The following PRKG1 variants were observed in gnomAD, a reference collection of about 807,000 sequenced individuals.
PRKG1 encodes protein kinase cGMP-dependent 1.
A neutral mutation model predicts 88.1 loss-of-function variants in PRKG1; 35 were observed. The observed-to-expected ratio is 0.40, with a 90% CI of 0.30 to 0.53. The LOEUF is 0.53. PRKG1 is among the 20% of genes least tolerant of loss of function. PRKG1 has a pLI of 0.59. For missense variants in PRKG1, 540 were observed against 839.8 expected (o/e 0.64, Z 4.41); for synonymous variants, 303 against 292.5 (o/e 1.04, Z -0.37).
Position 51,311,370 on chromosome 10 carries a change from T to C in PRKG1, c.479-156353T>C, listed in dbSNP as rs546563750. Among the ~76,000 whole-genome samples, 3 of 152,340 alleles carry C rather than the reference T, an allele frequency of 2.0e-5. No individual in the cohort carries two copies. The East Asian group carries it at 5.8e-4, about 29-fold the overall frequency. On this transcript the variant is annotated intron_variant, in intron 2 of 17. Coordinates refer to ENST00000373980, the MANE Select transcript of PRKG1 (RefSeq NM_006258.4). ...TCATGAGTTCTTAAAAAATATTTGC[T>C]GAATAAGGTCACTTCCTCAGTATGC... is the stretch of plus-strand genomic sequence containing the variant.
chr10:51,638,628 G>T (rs1839717378), intron 3 of PRKG1, among the ~76,000 whole-genome samples: 1 of 152,032 alleles, frequency 6.6e-6, no homozygotes, highest in Non-Finnish European at 1.5e-5. Flanking sequence ...AGATAACCAA[G>T]AAATTCTTTG....
At chr10:51,164,038 G>C (rs1401834537) in intron 2 of PRKG1, among the ~76,000 whole-genome samples, 3 of 152,216 alleles carry the variant, frequency 2.0e-5, no homozygotes, top group African/African-American at 7.2e-5. Context: ...GCTTTGAAGA[G>C]AGCAGTGGTT....
chr10:51,444,670 G>A (rs1226307149), intron 2 of PRKG1, among the ~76,000 whole-genome samples: 2 of 151,914 alleles, frequency 1.3e-5, no homozygotes, highest in African/African-American at 2.4e-5. Context: ...GATTGTAATA[G>A]TAATTTCATT....
At position 51,564,516 on chromosome 10, in the gene PRKG1, C is replaced by T. The variant is rs566013869; in HGVS notation, c.592+96680C>T. On this transcript the variant is annotated intron_variant, in intron 3 of 17. Transcript: ENST00000373980. Reference sequence around the variant, plus strand: ...ACAGGAGCATCCAGGTGGGAGGAAGCGTGTGTAAAGGCCCTGAGAATGGCA... The same window carrying T: ...ACAGGAGCATCCAGGTGGGAGGAAGTGTGTGTAAAGGCCCTGAGAATGGCA... Among the ~76,000 whole-genome samples, 28 of 151,938 alleles carry T rather than the reference C, an allele frequency of 1.8e-4. No homozygotes were observed. In the South Asian group the frequency reaches 4.0e-3, roughly 21 times the overall value.
chr10:51,698,186 G>A (rs978770104), intron 3 of PRKG1: 5 of 1,613,966 alleles, frequency 3.1e-6, no homozygotes, highest in African/African-American at 2.7e-5. Flanking sequence ...CAATCCTCTT[G>A]CATCCATGCC....
chr10:51,491,567 G>A (rs899378830), intron 3 of PRKG1, among the ~76,000 whole-genome samples: 2 of 152,046 alleles, frequency 1.3e-5, no homozygotes, highest in African/African-American at 4.8e-5. Flanking sequence ...ATGGTTCAGA[G>A]CATGACTATA....
At chr10:51,523,106 T>C (rs1051057976) in intron 3 of PRKG1, among the ~76,000 whole-genome samples, 4 of 152,160 alleles carry the variant, frequency 2.6e-5, no homozygotes, top group Non-Finnish European at 4.4e-5. Flanking sequence ...AGGTTGAAGA[T>C]GATTTTTTTT....
At chr10:52,160,670 C>T (rs1467599161) in intron 8 of PRKG1, among the ~76,000 whole-genome samples, 2 of 151,936 alleles carry the variant, frequency 1.3e-5, no homozygotes, top group African/African-American at 4.8e-5. Context: ...AATTAAGGAA[C>T]ATTGCATTTT....
intron 3 of PRKG1, among the ~76,000 whole-genome samples, chr10:51,468,245 A>G (rs1218964832): frequency 6.6e-6 from 1 of 151,902 alleles, no homozygotes; most frequent in East Asian, 1.9e-4. Flanking sequence ...GTGGTTTAGA[A>G]AAATTAAGAG....
intron 10 of PRKG1, among the ~76,000 whole-genome samples, chr10:52,268,558 C>T (rs1457789846): frequency 6.6e-6 from 1 of 151,998 alleles, no homozygotes; most frequent in South Asian, 2.1e-4. Context: ...AAATATTGTT[C>T]AGTTTATCTC....
chr10:51,820,869 A>G (rs1253609834), intron 4 of PRKG1, among the ~76,000 whole-genome samples: 1 of 152,180 alleles, frequency 6.6e-6, no homozygotes, highest in Non-Finnish European at 1.5e-5. Context: ...ATTTCAGTAT[A>G]TCAGAGTACT....
chr10:51,598,789 G>A (rs1208634841), intron 3 of PRKG1, among the ~76,000 whole-genome samples: 1 of 152,166 alleles, frequency 6.6e-6, no homozygotes, highest in Non-Finnish European at 1.5e-5. Context: ...AGGAGAGGTA[G>A]ATATTGAGAT....
In PRKG1 at chr10:52,217,354, A is replaced by ATC. The variant is rs770162832; in HGVS notation, c.1077-34215_1077-34214insCT. On this transcript the variant is annotated intron_variant, in intron 9 of 17. Coordinates refer to ENST00000373980, the MANE Select transcript of PRKG1 (RefSeq NM_006258.4). ...TACACATTTATATATCTATCTATCT[A>ATC]TATATATATATACACATATACACAC... is the stretch of plus-strand genomic sequence containing the variant. Among the ~76,000 whole-genome samples, 333 of 150,608 alleles carry ATC rather than the reference A, an allele frequency of 2.2e-3. 2 individuals carry two copies. The highest frequency in any genetic ancestry group is 6.0e-3 in the African/African-American group (245 of 41,006).
intron 2 of PRKG1, among the ~76,000 whole-genome samples, chr10:51,217,033 C>T (rs1053233109): frequency 8.5e-5 from 13 of 152,080 alleles, no homozygotes; most frequent in African/African-American, 3.1e-4. Context: ...AAATGATCTC[C>T]TGTGCAGATA....
chr10:51,735,920 TTTAAG>T (rs1335173606), intron 3 of PRKG1, among the ~76,000 whole-genome samples: 1 of 145,210 alleles, frequency 6.9e-6, no homozygotes, highest in Non-Finnish European at 1.5e-5. Flanking sequence ...TCCCTCCAAC[TTTAAG>T]TTGTCTTTTT....
intron 3 of PRKG1, among the ~76,000 whole-genome samples, chr10:51,565,083 C>A (rs1170940814): frequency 6.6e-6 from 1 of 152,034 alleles, no homozygotes; most frequent in Non-Finnish European, 1.5e-5. Flanking sequence ...GAATAGTACT[C>A]CCCTGCAAAA....
rs190485280 is a variant in PRKG1, at chr10:51,876,834, G to A, written c.699-30673G>A. On this transcript the variant is annotated intron_variant, in intron 4 of 17. Transcript: ENST00000373980. ...ATGATATACCCAGTTCCCTTGCACCGGGGTGGGATAACTCTAGGGCCTGGG... is the reference window on the plus strand; with the variant it reads ...ATGATATACCCAGTTCCCTTGCACCAGGGTGGGATAACTCTAGGGCCTGGG... 1.2e-3 allele frequency among the ~76,000 whole-genome samples: 175 copies of A among 152,156 alleles called. 1 individual carries two copies. Among genetic ancestry groups the A allele is most frequent in the Non-Finnish European group, 5.1e-4 (35 of 68,004 alleles).
intron 3 of PRKG1, among the ~76,000 whole-genome samples, chr10:51,598,034 A>G (rs1403704591): frequency 2.0e-5 from 3 of 152,218 alleles, no homozygotes; most frequent in East Asian, 3.8e-4. Flanking sequence ...TTGAACTGCT[A>G]TAAATCTAAA....
At chr10:51,724,914 T>C (rs1842096837) in intron 3 of PRKG1, among the ~76,000 whole-genome samples, 1 of 151,070 alleles carries the variant, frequency 6.6e-6, no homozygotes, top group African/African-American at 2.4e-5. Context: ...TTTGCTATAT[T>C]GCCCAGGCTG....
Sources: gnomAD v4.1 joint callset for allele counts (sites outside exome capture counted in the v4.1 genomes callset) on GRCh38, gnomAD v4.1.1 for gene constraint, MANE v1.5 for transcripts, NCBI Gene and HGNC (gene_info 2026-07-23, HGNC 2026-07-21) for gene names.